Variants in SPATA31H1 observed in about 807,000 individuals in gnomAD.
SPATA31H1 encodes SPATA31 subfamily H member 1.
chr2:27,579,425 T>G, the SPATA31H1 span: 1 of 1,614,214 alleles, frequency 6.2e-7, no homozygotes, highest in Non-Finnish European at 8.5e-7. Flanking sequence ...TTACTATTTC[T>G]CAGCCTTCTG....
the SPATA31H1 span, among the ~76,000 whole-genome samples, chr2:27,540,090 C>T: frequency 2.3e-5 from 2 of 85,408 alleles, no homozygotes; most frequent in African/African-American, 4.8e-5. Flanking sequence ...TAGGGGCGGC[C>T]GGGCAGAGGC....
chr2:27,577,206 A>G, the SPATA31H1 span: 92 of 1,614,008 alleles, frequency 5.7e-5, no homozygotes, highest in East Asian at 1.1e-4. This position sits in a 1 kb window ranked among gnomAD's most constrained non-coding sequence, Gnocchi z 4.5. Flanking sequence ...TCTGACTCCA[A>G]TGGTAAGGGA....
the SPATA31H1 span, chr2:27,577,081 A>C: frequency 6.2e-7 from 1 of 1,614,186 alleles, no homozygotes. The surrounding 1 kb of genome is among the most constrained non-coding windows in gnomAD (Gnocchi z 4.5). Flanking sequence ...TTGGCATATA[A>C]AGGCATAGAT....
the SPATA31H1 span, among the ~76,000 whole-genome samples, chr2:27,547,015 G>T: frequency 6.6e-6 from 1 of 151,824 alleles, no homozygotes; most frequent in East Asian, 1.9e-4. Flanking sequence ...TTTTATTGGT[G>T]ACCTTGTCAT....
At chr2:27,555,859 T>C in the SPATA31H1 span, among the ~76,000 whole-genome samples, 1 of 151,894 alleles carries the variant, frequency 6.6e-6, no homozygotes, top group Non-Finnish European at 1.5e-5. Context: ...TAGGGCTGGG[T>C]GCGGTGGCTC....
At chr2:27,560,040 G>A in the SPATA31H1 span, among the ~76,000 whole-genome samples, 8 of 150,886 alleles carry the variant, frequency 5.3e-5, no homozygotes, top group South Asian at 2.1e-4. Context: ...GCTAATTTTC[G>A]TATTTTTAGT....
the SPATA31H1 span, chr2:27,581,267 C>T: frequency 6.2e-7 from 1 of 1,614,232 alleles, no homozygotes; most frequent in South Asian, 1.1e-5. Context: ...CTTGGAGAAA[C>T]CATCGCAGTC....
At chr2:27,545,087 A>G in the SPATA31H1 span, among the ~76,000 whole-genome samples, 1 of 151,200 alleles carries the variant, frequency 6.6e-6, no homozygotes, top group African/African-American at 2.4e-5. Flanking sequence ...CAATAGCTCA[A>G]TCTCGGCTCA....
the SPATA31H1 span, chr2:27,572,518 G>A: frequency 1.3e-5 from 5 of 397,986 alleles, no homozygotes; most frequent in Non-Finnish European, 2.2e-5. Flanking sequence ...GAGTTTAACC[G>A]TGGGCCACAG....
the SPATA31H1 span, among the ~76,000 whole-genome samples, chr2:27,540,447 C>T: frequency 1.6e-5 from 2 of 125,318 alleles, no homozygotes; most frequent in African/African-American, 6.3e-5. Flanking sequence ...GGCAGAGGGG[C>T]TCCTCACTTC....
At chr2:27,577,155 A>T in the SPATA31H1 span, 1 of 1,614,066 alleles carries the variant, frequency 6.2e-7, no homozygotes, top group Non-Finnish European at 8.5e-7. The surrounding 1 kb of genome is among the most constrained non-coding windows in gnomAD (Gnocchi z 4.5). Context: ...ATCCTTAGGG[A>T]TGCTGCTGCA....
At chr2:27,556,740 G>T in the SPATA31H1 span, among the ~76,000 whole-genome samples, 5 of 131,622 alleles carry the variant, frequency 3.8e-5, no homozygotes, top group African/African-American at 5.8e-5. Flanking sequence ...ATCATTCTTG[G>T]GTGTTTCTCG....
chr2:27,581,335 G>A, the SPATA31H1 span: 15 of 1,613,826 alleles, frequency 9.3e-6, no homozygotes, highest in African/African-American at 1.3e-5. Context: ...CCCTCTCAGA[G>A]GAGCCACTGC....
chr2:27,565,931 T>C, the SPATA31H1 span: 3 of 687,106 alleles, frequency 4.4e-6, no homozygotes, highest in East Asian at 8.1e-5. Flanking sequence ...AGCTTTATGA[T>C]CTTGGGTATA....
chr2:27,556,502 T>C, the SPATA31H1 span, among the ~76,000 whole-genome samples: 1 of 151,674 alleles, frequency 6.6e-6, no homozygotes, highest in Non-Finnish European at 1.5e-5. Flanking sequence ...CTATTTTCTT[T>C]CCATGCTTCA....
At chr2:27,579,630 G>T in the SPATA31H1 span, 7 of 1,614,156 alleles carry the variant, frequency 4.3e-6, no homozygotes, top group Non-Finnish European at 5.9e-6. Context: ...TGTCTCATGT[G>T]CAGGGGGCCA....
At chr2:27,577,972 C>G in the SPATA31H1 span, 1 of 1,614,004 alleles carries the variant, frequency 6.2e-7, no homozygotes, top group Non-Finnish European at 8.5e-7. This position sits in a 1 kb window ranked among gnomAD's most constrained non-coding sequence, Gnocchi z 4.5. Flanking sequence ...ACCCCAGGAC[C>G]ACTGGGTCGA....
At chr2:27,578,063 A>T in the SPATA31H1 span, 1 of 1,614,192 alleles carries the variant, frequency 6.2e-7, no homozygotes, top group African/African-American at 1.3e-5. Context: ...AAGTTGCTCA[A>T]TCTGAAGAGG....
At chr2:27,567,295 C>G in the SPATA31H1 span, 3 of 569,458 alleles carry the variant, frequency 5.3e-6, no homozygotes, top group Admixed American at 6.3e-5. Context: ...GGACATATGT[C>G]TCAGAAGGTT....
Sources: allele counts gnomAD v4.1 joint callset (sites outside exome capture counted in the v4.1 genomes callset), GRCh38; gene constraint gnomAD v4.1.1; non-coding constraint Gnocchi (gnomAD v3.1); transcripts MANE v1.5; gene names NCBI Gene and HGNC (gene_info 2026-07-23, HGNC 2026-07-21).